Variants in CDIN1 observed in about 807,000 individuals in gnomAD.
The protein encoded by CDIN1 is CDAN1-interacting nuclease 1.
CDIN1 carries 33 observed loss-of-function variants against 45.3 expected under a neutral mutation model. The ratio of observed to expected loss-of-function variants is 0.73; its 90% CI spans 0.55 to 0.97. The LOEUF is 0.97. Among genes scored for constraint, CDIN1 ranks in the 50% least tolerant of loss-of-function variants. The pLI is 0.00. For missense variants in CDIN1, 303 were observed against 339.4 expected (o/e 0.89, Z 0.84); for synonymous variants, 118 against 124.4 (o/e 0.95, Z 0.34).
intron 1 of CDIN1, chr15:36,614,341 CT>C (rs1164108520): frequency 3.7e-6 from 2 of 542,298 alleles, no homozygotes; most frequent in Non-Finnish European, 7.1e-6. Context: ...CCCTTCTCCC[CT>C]GTGGCTTTTT....
In CDIN1 at chr15:36,809,426, T is replaced by G. The variant is rs1194125448; in HGVS notation, c.*973T>G. On this transcript the variant is annotated 3_prime_UTR_variant, in exon 11 of 11. Coordinates refer to ENST00000566621, the MANE Select transcript of CDIN1 (RefSeq NM_001321759.2). ...AATGTTTAGCTTTGTATGAACTGAG[T>G]GTGCCAGAAATAAACCTGGAGCAAT... 2.0e-5 allele frequency: 3 copies of G among 152,306 alleles called. No homozygotes were observed. Among genetic ancestry groups the G allele is most frequent in the South Asian group, 4.1e-4 (2 of 4,836 alleles). 9.4% of individuals were successfully genotyped at this position (152,306 alleles called of 1,614,324 possible).
At chr15:36,647,552 C>G (rs1377113660) in intron 3 of CDIN1, 2 of 152,214 alleles carry the variant, frequency 1.3e-5, no homozygotes, top group Non-Finnish European at 2.9e-5. Flanking sequence ...ACTTTCTGCC[C>G]TGCACTTTGC....
chr15:36,706,803 G>C (rs1312159399), intron 8 of CDIN1: 4 of 152,142 alleles, frequency 2.6e-5, no homozygotes, highest in African/African-American at 9.7e-5. Flanking sequence ...AGCCTAGTTG[G>C]TGCCTTTGTG....
chr15:36,739,756 A>G (rs545188541), intron 10 of CDIN1, among the ~76,000 whole-genome samples: 1 of 152,346 alleles, frequency 6.6e-6, no homozygotes, highest in East Asian at 1.9e-4. Context: ...GAAAATAAGT[A>G]TGTATTCTCC....
intron 10 of CDIN1, among the ~76,000 whole-genome samples, chr15:36,743,174 C>T (rs893057426): frequency 2.6e-5 from 4 of 152,070 alleles, no homozygotes; most frequent in African/African-American, 9.7e-5. Context: ...AAAATCACTT[C>T]GGCAGTGGGA....
intron 4 of CDIN1, among the ~76,000 whole-genome samples, chr15:36,657,239 T>G (rs780395751): frequency 8.5e-5 from 13 of 152,136 alleles, no homozygotes; most frequent in Non-Finnish European, 1.6e-4. Flanking sequence ...TATTATATTG[T>G]TGTAATTTAT....
At chr15:36,728,935 A>G (rs1199344447) in intron 10 of CDIN1, among the ~76,000 whole-genome samples, 1 of 152,140 alleles carries the variant, frequency 6.6e-6, no homozygotes, top group East Asian at 1.9e-4. Context: ...CAGCCTCCCA[A>G]AGTGCTCAGA....
intron 5 of CDIN1, chr15:36,668,961 TC>T (rs941914780): frequency 7.2e-5 from 11 of 152,254 alleles, no homozygotes; most frequent in Non-Finnish European, 1.3e-4. Context: ...GCAGTAATAT[TC>T]CAACAAATAC....
chr15:36,800,909 G>GTGTGTATATAT (rs1156514805), intron 10 of CDIN1, among the ~76,000 whole-genome samples: 1 of 22,374 alleles, frequency 4.5e-5, no homozygotes, highest in African/African-American at 9.0e-5. Context: ...GTGTGTGTGT[G>GTGTGTATATAT]TATATATATA....
intron 5 of CDIN1, among the ~76,000 whole-genome samples, chr15:36,679,579 C>T (rs188660423): frequency 3.9e-5 from 6 of 152,272 alleles, no homozygotes; most frequent in Non-Finnish European, 7.3e-5. Context: ...TGTTATTCTG[C>T]ATGTCTTTCC....
At chr15:36,732,368 C>A (rs1027464255) in intron 10 of CDIN1, among the ~76,000 whole-genome samples, 1 of 150,492 alleles carries the variant, frequency 6.6e-6, no homozygotes, top group Admixed American at 6.7e-5. Context: ...GTTTGTTGCA[C>A]CTTGATTCCA....
intron 5 of CDIN1, among the ~76,000 whole-genome samples, chr15:36,673,144 A>C (rs2041514246): frequency 6.6e-6 from 1 of 151,962 alleles, no homozygotes; most frequent in Non-Finnish European, 1.5e-5. Context: ...TGGGAAGATA[A>C]ATTTAAGAGG....
At chr15:36,581,356 C>T (rs773773540) in intron 1 of CDIN1, among the ~76,000 whole-genome samples, 1 of 152,054 alleles carries the variant, frequency 6.6e-6, no homozygotes, top group Admixed American at 6.6e-5. Context: ...CTAGCAAATA[C>T]CTTGTCTTCT....
In CDIN1 at chr15:36,593,789, C is replaced by T. The variant is rs370348434; in HGVS notation, c.101+13828C>T. Among the ~76,000 whole-genome samples, 4 of 152,240 alleles carry T rather than the reference C, an allele frequency of 2.6e-5. No homozygotes were observed. The East Asian group carries it at 5.8e-4, about 22-fold the overall frequency. On this transcript the variant is annotated intron_variant, in intron 1 of 10. Coordinates refer to ENST00000566621, the MANE Select transcript of CDIN1 (RefSeq NM_001321759.2). ...CTGTGTTAGCCAGGATGGTCTCGAT[C>T]TCCTGACCTTGTGATCTGCCTGCCT...
intron 10 of CDIN1, among the ~76,000 whole-genome samples, chr15:36,765,858 A>T (rs754213523): frequency 1.3e-5 from 2 of 152,148 alleles, no homozygotes; most frequent in Admixed American, 6.5e-5. Flanking sequence ...AAAGTTTTCT[A>T]GTGCTTGCTT....
chr15:36,780,128 A>G (rs934350379), intron 10 of CDIN1, among the ~76,000 whole-genome samples: 1 of 152,210 alleles, frequency 6.6e-6, no homozygotes, highest in African/African-American at 2.4e-5. Context: ...TGGGAACACT[A>G]GTGCCTTTTT....
chr15:36,664,873 A>G (rs553948786), intron 5 of CDIN1, among the ~76,000 whole-genome samples: 3 of 152,190 alleles, frequency 2.0e-5, no homozygotes, highest in African/African-American at 7.2e-5. Flanking sequence ...AGAGGGAAAT[A>G]TTATTTCCTT....
chr15:36,737,093 A>G lies in CDIN1; in HGVS notation c.716+27132A>G, dbSNP rs1327300951. Among the ~76,000 whole-genome samples the G allele has an allele frequency of 3.3e-5, 5 of 151,074 alleles. No homozygotes were observed. The South Asian group carries it at 8.3e-4, about 25-fold the overall frequency. ...TGAGGCAGAAGAATTGCTTGAACCC[A>G]GGAGGCAGAGGTTGCAGTGAGCTGA... is the stretch of plus-strand genomic sequence containing the variant. On this transcript the variant is annotated intron_variant, in intron 10 of 10. Coordinates refer to ENST00000566621, the MANE Select transcript of CDIN1 (RefSeq NM_001321759.2).
At chr15:36,801,951 G>A (rs1234676615) in intron 10 of CDIN1, among the ~76,000 whole-genome samples, 1 of 139,612 alleles carries the variant, frequency 7.2e-6, no homozygotes, top group African/African-American at 2.7e-5. Flanking sequence ...GTGTAGATAG[G>A]TGGATCCCAA....
Sources: allele counts gnomAD v4.1 joint callset (sites outside exome capture counted in the v4.1 genomes callset), GRCh38; gene constraint gnomAD v4.1.1; transcripts MANE v1.5; gene names NCBI Gene and HGNC (gene_info 2026-07-23, HGNC 2026-07-21).